The following SERPINI1 variants were observed in gnomAD, a reference collection of about 807,000 sequenced individuals.
SERPINI1 encodes the protein neuroserpin.
A neutral mutation model predicts 41.1 loss-of-function variants in SERPINI1; 19 were observed. The ratio of observed to expected loss-of-function variants is 0.46; its 90% confidence interval spans 0.32 to 0.68. SERPINI1 has a LOEUF of 0.68. SERPINI1 is among the 30% of genes least tolerant of loss of function. SERPINI1 has a pLI of 0.03. For synonymous variants in SERPINI1, 138 were observed against 156.6 expected (o/e 0.88, Z 0.89); for missense variants, 460 against 479.2 (o/e 0.96, Z 0.37).
chr3:167,785,169 G>A (rs987168227), intron 1 of SERPINI1, among the ~76,000 whole-genome samples: 2 of 152,094 alleles, frequency 1.3e-5, no homozygotes, highest in Non-Finnish European at 2.9e-5. Flanking sequence ...GCTTGAACTC[G>A]GGAGGTGGAG....
At chr3:167,796,036 G>T (rs192058979) in intron 5 of SERPINI1, among the ~76,000 whole-genome samples, 1 of 152,152 alleles carries the variant, frequency 6.6e-6, no homozygotes, top group East Asian at 1.9e-4. Context: ...GCATTAAGGT[G>T]ATAAATGAGT....
intron 5 of SERPINI1, among the ~76,000 whole-genome samples, chr3:167,801,701 G>A (rs533577208): frequency 6.6e-6 from 1 of 152,116 alleles, no homozygotes; most frequent in African/African-American, 2.4e-5. Context: ...CTGAAACATA[G>A]TAAGCACTCA....
chr3:167,784,219 A>G (rs1260815560), intron 1 of SERPINI1, among the ~76,000 whole-genome samples: 1 of 151,980 alleles, frequency 6.6e-6, no homozygotes, highest in Non-Finnish European at 1.5e-5. Flanking sequence ...AGTGGATATA[A>G]TTTTCTGCTA....
At chr3:167,806,967 A>G (rs546355839) in intron 5 of SERPINI1, among the ~76,000 whole-genome samples, 7 of 152,166 alleles carry the variant, frequency 4.6e-5, no homozygotes, top group Non-Finnish European at 1.0e-4. Flanking sequence ...ATGATACTTG[A>G]TCTCAAAACT....
chr3:167,799,449 A>G (rs544438065), intron 5 of SERPINI1, among the ~76,000 whole-genome samples: 16 of 152,262 alleles, frequency 1.1e-4, no homozygotes, highest in African/African-American at 3.4e-4. Flanking sequence ...TCACTGATGG[A>G]CATTTGGGTT....
rs772141992 is a variant in SERPINI1, at chr3:167,794,797, A to C, written c.854A>C (p.Lys285Thr). Residue 285 changes from lysine to threonine, a missense_variant, in exon 5 of 9, where the codon AAG becomes ACG. Coordinates refer to ENST00000446050, the MANE Select transcript of SERPINI1 (RefSeq NM_001122752.2). ...GAAGAATGGGCAAACTCTGTGAAGA[A>C]GCAAAAAGTAGAAGTATACCTGCCC... ...LVEEWANSVK[K>T]QKVEVYLPRF... 10 of 1,613,330 alleles carry C rather than the reference A, an allele frequency of 6.2e-6. No individual in the cohort carries two copies. In the Admixed American group the frequency reaches 1.5e-4, roughly 24 times the overall value.
chr3:167,746,793 A>T (rs1008961346), intron 1 of SERPINI1, among the ~76,000 whole-genome samples: 2 of 152,232 alleles, frequency 1.3e-5, no homozygotes, highest in African/African-American at 4.8e-5. Flanking sequence ...GGAATATTTG[A>T]ACCCTCATAA....
intron 5 of SERPINI1, among the ~76,000 whole-genome samples, chr3:167,798,394 C>A (rs1226310753): frequency 6.6e-6 from 1 of 152,078 alleles, no homozygotes; most frequent in East Asian, 1.9e-4. Context: ...CTCTGGATTC[C>A]CCTTTTAACA....
chr3:167,752,676 G>A (rs1726080949), intron 1 of SERPINI1, among the ~76,000 whole-genome samples: 1 of 151,862 alleles, frequency 6.6e-6, no homozygotes, highest in African/African-American at 2.4e-5. Flanking sequence ...GTGTTTAGGA[G>A]AAAATGCAAC....
At chr3:167,748,793 T>TG (rs1559994325) in intron 1 of SERPINI1, among the ~76,000 whole-genome samples, 2 of 145,970 alleles carry the variant, frequency 1.4e-5, no homozygotes, top group African/African-American at 5.1e-5. Context: ...TGTGTGTGTG[T>TG]TAACTGTATC....
chr3:167,762,742 C>T (rs752689199), intron 1 of SERPINI1, among the ~76,000 whole-genome samples: 1 of 152,152 alleles, frequency 6.6e-6, no homozygotes, highest in Non-Finnish European at 1.5e-5. Flanking sequence ...CCTCTCACCT[C>T]CTTACTTTCT....
At chr3:167,753,770 T>C (rs1726114761) in intron 1 of SERPINI1, among the ~76,000 whole-genome samples, 1 of 152,162 alleles carries the variant, frequency 6.6e-6, no homozygotes, top group Non-Finnish European at 1.5e-5. Flanking sequence ...ACAAGAATAA[T>C]AGCTAATAAA....
Position 167,790,122 on chromosome 3 carries a change from A to G in SERPINI1, c.251-250A>G, listed in dbSNP as rs538613452. Among the ~76,000 whole-genome samples the G allele has an allele frequency of 7.9e-5, 12 of 152,322 alleles. No individual in the cohort carries two copies. The South Asian group carries it at 2.1e-3, about 26-fold the overall frequency. ...AGTAATTTGGAAGAAAACAGTCTCTATAGATTGTAGCAAAATAACAATGAA... is the reference window on the plus strand; with the variant it reads ...AGTAATTTGGAAGAAAACAGTCTCTGTAGATTGTAGCAAAATAACAATGAA... On this transcript the variant is annotated intron_variant, in intron 2 of 8. Coordinates refer to ENST00000446050, the MANE Select transcript of SERPINI1 (RefSeq NM_001122752.2).
chr3:167,816,283 C>T (rs9824029), intron 6 of SERPINI1, among the ~76,000 whole-genome samples: 33,977 of 151,808 alleles, frequency 0.22, 3,979 homozygotes, highest in African/African-American at 0.26. Context: ...CAGCCCCAAG[C>T]GATCAGCCTG....
intron 5 of SERPINI1, among the ~76,000 whole-genome samples, chr3:167,798,141 G>C (rs1026491024): frequency 6.6e-6 from 1 of 152,070 alleles, no homozygotes; most frequent in African/African-American, 2.4e-5. Flanking sequence ...ATATTCACTA[G>C]AAAATGTGGC....
At chr3:167,793,596 A>ATATATATATATATTTTTTTTTTTT in intron 4 of SERPINI1, among the ~76,000 whole-genome samples, 4 of 140,608 alleles carry the variant, frequency 2.8e-5, no homozygotes, top group African/African-American at 1.1e-4. Flanking sequence ...ATATATATAT[A>ATATATATATATATTTTTTTTTTTT]TTTTTAATTA....
intron 1 of SERPINI1, among the ~76,000 whole-genome samples, chr3:167,772,964 G>A (rs921088844): frequency 2.8e-5 from 2 of 70,544 alleles, no homozygotes; most frequent in African/African-American, 1.5e-4. Context: ...ATATGTATAT[G>A]TGTGTATATA....
intron 1 of SERPINI1, among the ~76,000 whole-genome samples, chr3:167,757,251 T>C (rs553012824): frequency 6.8e-4 from 103 of 152,182 alleles, no homozygotes; most frequent in Non-Finnish European, 1.2e-3. Context: ...GCAAGGTCAC[T>C]GAAGGCAGTG....
intron 1 of SERPINI1, among the ~76,000 whole-genome samples, chr3:167,780,408 C>A (rs969483643): frequency 3.3e-5 from 5 of 152,118 alleles, no homozygotes; most frequent in Admixed American, 6.5e-5. Flanking sequence ...TGATAGCTTA[C>A]CGCCTAAGCA....
Sources: allele counts gnomAD v4.1 joint callset (sites outside exome capture counted in the v4.1 genomes callset), GRCh38; gene constraint gnomAD v4.1.1; transcripts MANE v1.5; gene names NCBI Gene and HGNC (gene_info 2026-07-23, HGNC 2026-07-21).